The following LRP1B variants were observed in gnomAD, a reference collection of about 807,000 sequenced individuals.
LRP1B encodes low-density lipoprotein receptor-related protein 1B.
In LRP1B, 217 loss-of-function variants were observed where a neutral mutation model predicts 556.6. The observed-to-expected ratio is 0.39, with a 90% CI of 0.35 to 0.44. The LOEUF (loss-of-function observed/expected upper bound fraction) is 0.44, where lower values mean the gene tolerates loss of function less well. Ranked by LOEUF, LRP1B falls within the 20% of genes least tolerant of loss-of-function variation. The pLI, the probability that LRP1B is intolerant of heterozygous loss-of-function variation, is 1.00. For missense variants in LRP1B, 5,053 were observed against 5,620.8 expected, an observed-to-expected ratio of 0.90 and a Z score of 3.23; for synonymous variants, 2,047 against 1,865.8, an observed-to-expected ratio of 1.10 and a Z score of -2.50.
chr2:140,997,718 GC>G (rs1484647006), intron 15 of LRP1B, among the ~76,000 whole-genome samples: 1 of 151,808 alleles, frequency 6.6e-6, no homozygotes, highest in Non-Finnish European at 1.5e-5. Context: ...TTCATTTTGG[GC>G]ATCCAGATTC....
chr2:142,059,219 T>G (rs769267592), intron 1 of LRP1B, among the ~76,000 whole-genome samples: 5 of 152,104 alleles, frequency 3.3e-5, no homozygotes, highest in Non-Finnish European at 7.4e-5. Flanking sequence ...GAAAGTAGAT[T>G]GTGGGAATGG....
At chr2:141,071,106 A>G (rs1207848208) in intron 7 of LRP1B, among the ~76,000 whole-genome samples, 3 of 151,980 alleles carry the variant, frequency 2.0e-5, no homozygotes, top group Non-Finnish European at 2.9e-5. Flanking sequence ...AAAATCCTCA[A>G]TAAAATACTG....
intron 6 of LRP1B, among the ~76,000 whole-genome samples, chr2:141,228,122 G>A (rs1176438841): frequency 6.6e-6 from 1 of 152,018 alleles, no homozygotes; most frequent in Non-Finnish European, 1.5e-5. Context: ...GATGGGGTTT[G>A]GCCAGGCTGG....
At chr2:141,524,027 T>C (rs1201528606) in intron 2 of LRP1B, among the ~76,000 whole-genome samples, 2 of 152,136 alleles carry the variant, frequency 1.3e-5, no homozygotes, top group East Asian at 3.8e-4. Flanking sequence ...AAATTTTTCA[T>C]TGCAGTGTCA....
At chr2:141,677,012 T>C (rs1241223895) in intron 2 of LRP1B, among the ~76,000 whole-genome samples, 1 of 152,134 alleles carries the variant, frequency 6.6e-6, no homozygotes, top group Non-Finnish European at 1.5e-5. Context: ...AAAATAACTA[T>C]AGATTATTAT....
intron 1 of LRP1B, among the ~76,000 whole-genome samples, chr2:141,936,657 T>C (rs556111720): frequency 6.6e-6 from 1 of 152,328 alleles, no homozygotes; most frequent in South Asian, 2.1e-4. Context: ...AACTTTTTCT[T>C]AGGAACTGCC....
At chr2:141,430,748 G>A (rs1036560729) in intron 3 of LRP1B, among the ~76,000 whole-genome samples, 4 of 152,082 alleles carry the variant, frequency 2.6e-5, no homozygotes, top group African/African-American at 4.8e-5. Flanking sequence ...AAAAGCCCTT[G>A]CCTTTTGGTT....
At chr2:142,069,515 T>C (rs1705234604) in intron 1 of LRP1B, among the ~76,000 whole-genome samples, 1 of 151,438 alleles carries the variant, frequency 6.6e-6, no homozygotes, top group African/African-American at 2.4e-5. Flanking sequence ...ATAGTAATCA[T>C]TGCCACTTAC....
intron 79 of LRP1B, among the ~76,000 whole-genome samples, chr2:140,333,734 T>C (rs1448065648): frequency 6.6e-6 from 1 of 152,078 alleles, no homozygotes; most frequent in African/African-American, 2.4e-5. Flanking sequence ...TTGAGGCTCC[T>C]GTAGTCTGAA....
chr2:140,883,817 C>T lies in LRP1B; in HGVS notation c.4169G>A (p.Gly1390Glu), dbSNP rs2105186567. 6.2e-7 allele frequency: 1 copy of T among 1,612,138 alleles called. No individual in the cohort carries two copies. The highest frequency in any genetic ancestry group is 8.5e-7 in the Non-Finnish European group (1 of 1,179,208). The change falls in exon 25 of 91, where the codon GGA (glycine) becomes GAA (glutamate). Residue 1390 changes from glycine to glutamate, a missense_variant and splice_region_variant. Transcript: ENST00000389484. ...PRAIALDPRY[G>E]ILFWTDWDAN... ...ATCTATAAAAGGCAAACTTCTTTAC[C>T]CATATCTTGGGTCCAAAGCAATGGC...
Position 140,623,956 on chromosome 2 carries a change from G to GTGTATATATATATATA in LRP1B, c.6800-22318_6800-22317insTATATATATATATACA, listed in dbSNP as rs1339496296. ...AAAATATATATTATATTTTATTTAT[G>GTGTATATATATATATA]TATATATATATATATATAGCTTAGT... On this transcript the variant is annotated intron_variant, in intron 41 of 90. Transcript: ENST00000389484. 2.4e-4 allele frequency among the ~76,000 whole-genome samples: 26 copies of GTGTATATATATATATA among 106,432 alleles called. 3 individuals are homozygous for GTGTATATATATATATA. The highest frequency in any genetic ancestry group is 5.1e-4 in the African/African-American group (15 of 29,430). The allele number at this position is 106,432 out of a possible 152,430, so 69.8% of individuals were successfully genotyped here.
chr2:140,289,786 CATT>C (rs1322145873), intron 84 of LRP1B, among the ~76,000 whole-genome samples: 3 of 151,878 alleles, frequency 2.0e-5, no homozygotes, highest in Admixed American at 6.6e-5. Context: ...CATTCTCTAT[CATT>C]ATCACACTAG....
intron 3 of LRP1B, among the ~76,000 whole-genome samples, chr2:141,399,117 G>T (rs903392238): frequency 6.6e-6 from 1 of 151,988 alleles, no homozygotes; most frequent in Non-Finnish European, 1.5e-5. Flanking sequence ...TTAGCTGGGC[G>T]TGGTGGCGCA....
chr2:141,311,815 A>G (rs952852282), intron 3 of LRP1B, among the ~76,000 whole-genome samples: 1 of 152,208 alleles, frequency 6.6e-6, no homozygotes, highest in African/African-American at 2.4e-5. Flanking sequence ...ATAATTACTC[A>G]GTATATGGTA....
intron 63 of LRP1B, among the ~76,000 whole-genome samples, chr2:140,447,968 G>A (rs549292345): frequency 4.4e-4 from 67 of 152,102 alleles, no homozygotes; most frequent in African/African-American, 1.6e-3. Flanking sequence ...TAAGTTTGTT[G>A]TCTTTTATGG....
chr2:140,649,038 G>C (rs1453745363), intron 41 of LRP1B, among the ~76,000 whole-genome samples: 3 of 152,160 alleles, frequency 2.0e-5, no homozygotes, highest in Admixed American at 2.0e-4. Flanking sequence ...TATATCTCTA[G>C]ACTTTGACCT....
At chr2:140,868,358 T>A in intron 25 of LRP1B, 95 bp from the exon 26 acceptor site, 2 of 1,170,664 alleles carry the variant, frequency 1.7e-6, no homozygotes, top group Non-Finnish European at 2.3e-6. Context: ...AGGCACTGGA[T>A]AGGTGATAAG....
intron 11 of LRP1B, among the ~76,000 whole-genome samples, chr2:141,027,584 C>T (rs61032295): frequency 0.17 from 26,119 of 151,900 alleles, 2,422 homozygotes; most frequent in African/African-American, 0.24. Flanking sequence ...GAAAAAACGG[C>T]TGATATTTGA....
chr2:140,360,819 G>A (rs72894097), intron 72 of LRP1B, among the ~76,000 whole-genome samples: 11,155 of 151,590 alleles, frequency 0.074, 566 homozygotes, highest in Non-Finnish European at 0.1. Flanking sequence ...TTGATTCACA[G>A]TGGCAGTTTC....
Sources: allele counts gnomAD v4.1 joint callset (sites outside exome capture counted in the v4.1 genomes callset), GRCh38; gene constraint gnomAD v4.1.1; transcripts MANE v1.5; gene names NCBI Gene and HGNC (gene_info 2026-07-23, HGNC 2026-07-21).